RND2: variants seen among roughly 807,000 people sequenced by gnomAD.
RND2 encodes the protein Rho family GTPase 2.
A neutral mutation model predicts 25.9 loss-of-function variants in RND2; 16 were observed. The ratio of observed to expected loss-of-function variants is 0.62; its 90% CI spans 0.42 to 0.94. The LOEUF (loss-of-function observed/expected upper bound fraction) is 0.94. Among genes scored for constraint, RND2 ranks in the 40% least tolerant of loss-of-function variants. The pLI is 0.00. For synonymous variants in RND2, 97 were observed against 118.1 expected, an observed-to-expected ratio of 0.82 and a Z score of 1.16; for missense variants, 276 against 305.5, an observed-to-expected ratio of 0.90 and a Z score of 0.72.
At chr17:43,027,314 G>T in intron 3 of RND2, 22 bp downstream of exon 3, 1 of 1,538,346 alleles carries the variant, frequency 6.5e-7, no homozygotes, top group Non-Finnish European at 8.9e-7. Context: ...GGGAAATAGG[G>T]CAGCTAGACT....
chr17:43,027,157 G>T, intron 2 of RND2, 26 bp from the exon 3 acceptor site: 5 of 1,486,002 alleles, frequency 3.4e-6, no homozygotes, highest in Non-Finnish European at 4.6e-6. Flanking sequence ...ATCCACTCAG[G>T]CCCCTCATGC....
rs2050646579 is a variant in RND2 at position 43,028,734 on chromosome 17, C to G, written c.*54C>G. 1 of 1,502,688 alleles carries G rather than the reference C, an allele frequency of 6.7e-7. No individual in the cohort carries two copies. The highest frequency in any genetic ancestry group is 1.4e-5 in the African/African-American group (1 of 72,552). 93.1% of individuals were successfully genotyped at this position (1,502,688 alleles called of 1,614,324 possible). A position where few individuals can be genotyped will look rare whatever the true frequency, so the allele number is the denominator to read the frequency against. ...GGGGTGGTGAGGGACACAATTGTTC[C>G]CCTGCCTGCGCCCAGGCTTCCTGAC... On this transcript the variant is annotated 3_prime_UTR_variant, in exon 5 of 5. Coordinates refer to ENST00000587250, the MANE Select transcript of RND2 (RefSeq NM_005440.5).
chr17:43,028,600 G>C lies in RND2; in HGVS notation c.604G>C (p.Ala202Pro). ...TDSRRGMQRS[A>P]QLSGRPDRGN... ...CTCACGCCGGGGAATGCAGCGATCCGCTCAGCTGTCAGGACGGCCAGACCG... is the reference window on the plus strand; with the variant it reads ...CTCACGCCGGGGAATGCAGCGATCCCCTCAGCTGTCAGGACGGCCAGACCG... Residue 202 changes from alanine to proline, a missense_variant, in exon 5 of 5, where the codon GCT (alanine) becomes CCT (proline). Ala to Pro is a conservative substitution (Grantham distance 27). Coordinates refer to ENST00000587250, the MANE Select transcript of RND2 (RefSeq NM_005440.5). 1 of 1,613,782 alleles carries C rather than the reference G, an allele frequency of 6.2e-7. No individual in the cohort carries two copies. The highest frequency in any genetic ancestry group is 8.5e-7 in the Non-Finnish European group (1 of 1,179,902).
chr17:43,026,064 G>T lies in RND2; in HGVS notation c.190+17G>T. 1 of 1,588,146 alleles carries T rather than the reference G, an allele frequency of 6.3e-7. No homozygotes were observed. Among genetic ancestry groups the T allele is most frequent in the Non-Finnish European group, 8.6e-7 (1 of 1,158,236 alleles). On this transcript the variant is annotated intron_variant, in intron 2 of 4. Coordinates refer to ENST00000587250, the MANE Select transcript of RND2 (RefSeq NM_005440.5). Reference sequence around the variant, plus strand: ...ACACTTCAGGTAGCCAAGTCCCTGGGGGTCACCCTGACTTCCAAGGCGGCC... The same window carrying T: ...ACACTTCAGGTAGCCAAGTCCCTGGTGGTCACCCTGACTTCCAAGGCGGCC...
rs777838370 is a variant in RND2 at position 43,028,779 on chromosome 17, A to G, written c.*99A>G. 6.8e-7 allele frequency: 1 copy of G among 1,468,564 alleles called. No individual in the cohort carries two copies. The highest frequency in any genetic ancestry group is 9.0e-7 in the Non-Finnish European group (1 of 1,105,554). The allele number at this position is 1,468,564 out of a possible 1,614,324, so 91.0% of individuals were successfully genotyped here. Reference sequence around the variant, plus strand: ...CCTGACCTCCTGATCCTGGCTGGGAAGTTAGGGCAGGCAGAGCGAGCAATT... The same window carrying G: ...CCTGACCTCCTGATCCTGGCTGGGAGGTTAGGGCAGGCAGAGCGAGCAATT... On this transcript the variant is annotated 3_prime_UTR_variant, in exon 5 of 5. Coordinates refer to ENST00000587250, the MANE Select transcript of RND2 (RefSeq NM_005440.5).
chr17:43,027,595 G>A (rs147190695), intron 3 of RND2, among the ~76,000 whole-genome samples: 396 of 152,292 alleles, frequency 2.6e-3, no homozygotes, highest in Non-Finnish European at 4.0e-3. Context: ...AGATGGAGGG[G>A]ATGGGATGGG....
Position 43,031,241 on chromosome 17 carries a change from C to G in RND2, c.*2561C>G, listed in dbSNP as rs1437801124. 1.3e-5 allele frequency: 2 copies of G among 152,186 alleles called. No individual in the cohort carries two copies. The highest frequency in any genetic ancestry group is 6.5e-5 in the Admixed American group (1 of 15,272). 9.4% of individuals were successfully genotyped at this position (152,186 alleles called of 1,614,324 possible). The stretch of plus-strand genomic sequence containing the variant: ...CCCTGGATCATCAGATATCCCTATC[C>G]CAACCTCTCCTATGGGACTAGTTCA... On this transcript the variant is annotated 3_prime_UTR_variant, in exon 5 of 5. Coordinates refer to ENST00000587250, the MANE Select transcript of RND2 (RefSeq NM_005440.5).
chr17:43,028,406 C>G (rs762242584), intron 4 of RND2, 26 bp from the exon 5 acceptor site: 1 of 1,609,324 alleles, frequency 6.2e-7, no homozygotes, highest in Admixed American at 1.7e-5. Flanking sequence ...CTATAACTTT[C>G]TCCCATGCAC....
chr17:43,027,961 G>A, intron 3 of RND2, 100 bp from the exon 4 acceptor site: 3 of 1,374,124 alleles, frequency 2.2e-6, no homozygotes, highest in Admixed American at 4.2e-5. Flanking sequence ...CATGGTTTCT[G>A]CGTGCTTGAG....
Position 43,028,469 on chromosome 17 carries a change from A to G in RND2, c.473A>G (p.Tyr158Cys), listed in dbSNP as rs770329511. The change falls in exon 5 of 5, where the codon TAT (tyrosine) becomes TGT (cysteine). Residue 158 changes from tyrosine to cysteine, a missense_variant. Physicochemically the swap from Tyr to Cys is radical, Grantham distance 194. Transcript: ENST00000587250. ...VLAKQVGAVSYVECSSRSSER... is the reference protein window; with the variant it reads ...VLAKQVGAVSCVECSSRSSER... ...GCCAAGCAGGTGGGGGCTGTGTCCT[A>G]TGTTGAGTGCTCCTCCCGGTCCTCT... 8 of 1,613,964 alleles carry G rather than the reference A, an allele frequency of 5.0e-6. No homozygotes were observed. Among genetic ancestry groups the G allele is most frequent in the South Asian group, 2.2e-5 (2 of 91,088 alleles).
At chr17:43,028,028 C>T (rs764574497) in intron 3 of RND2, 33 bp from the exon 4 acceptor site, 260 of 1,597,470 alleles carry the variant, frequency 1.6e-4, no homozygotes, top group Non-Finnish European at 2.0e-4. Context: ...CTCCCTCCAC[C>T]CCTCCACAAT....
rs1010443277 is a variant in RND2 at position 43,027,080 on chromosome 17, C to G, written c.191-103C>G. ...GATGGGTATTAATGGTTGCTCTTTT[C>G]CATTCTCTGCTCCCAGCATCCCTTG... On this transcript the variant is annotated intron_variant, in intron 2 of 4. Transcript: ENST00000587250. The G allele has an allele frequency of 5.8e-6, 4 of 692,128 alleles. No individual in the cohort carries two copies. In the African/African-American group the frequency reaches 7.2e-5, roughly 12 times the overall value. 42.9% of individuals were successfully genotyped at this position (692,128 alleles called of 1,614,324 possible).
chr17:43,028,412 TGCACTCCTTCCTTTTCCAGG>T lies in RND2; in HGVS notation c.436-14_441del. The T allele has an allele frequency of 6.2e-7, 1 of 1,610,874 alleles. No individual in the cohort carries two copies. The highest frequency in any genetic ancestry group is 1.1e-5 in the South Asian group (1 of 91,036). ...GGCTAAGACCTATAACTTTCTCCCATGCACTCCTTCCTTTTCCAGGGCACTGTGCTGGCCAAGCAGGTGGG... is the reference window on the plus strand; with the variant it reads ...GGCTAAGACCTATAACTTTCTCCCATGCACTGTGCTGGCCAAGCAGGTGGG... On this transcript the variant is annotated splice_acceptor_variant and splice_polypyrimidine_tract_variant and coding_sequence_variant and intron_variant, in exon 5 of 5. Coordinates refer to ENST00000587250, the MANE Select transcript of RND2 (RefSeq NM_005440.5). LOFTEE classifies it high-confidence loss of function.
Position 43,028,187 on chromosome 17 carries a change from C to A in RND2, c.427C>A (p.His143Asn), listed in dbSNP as rs1435262704. ...CAAGCAGAGGCTTATCCCTGTTACA[C>A]ATGAGCAGGTGGGACCCTTGACGTC... ...LSKQRLIPVT[H>N]EQGTVLAKQV... The change falls in exon 4 of 5, where the codon CAT (histidine) becomes AAT (asparagine). Residue 143 changes from histidine to asparagine, a missense_variant. Transcript: ENST00000587250. 3.1e-6 allele frequency: 5 copies of A among 1,614,102 alleles called. No individual in the cohort carries two copies. The African/African-American group carries it at 6.7e-5, about 22-fold the overall frequency.
chr17:43,029,364 T>G lies in RND2; in HGVS notation c.*684T>G, dbSNP rs2050652991. ...ATAGAGCAGAGGACAAAGCCATAGG[T>G]TGGATCAGAAGTGTCCTTTTAGGAG... On this transcript the variant is annotated 3_prime_UTR_variant, in exon 5 of 5. Coordinates refer to ENST00000587250, the MANE Select transcript of RND2 (RefSeq NM_005440.5). The G allele has an allele frequency of 6.5e-6, 1 of 153,328 alleles. No individual in the cohort carries two copies. The highest frequency in any genetic ancestry group is 2.4e-5 in the African/African-American group (1 of 41,450). 9.5% of individuals were successfully genotyped at this position (153,328 alleles called of 1,614,324 possible). A position where few individuals can be genotyped will look rare whatever the true frequency, so the allele number is the denominator to read the frequency against.
chr17:43,026,541 C>CA (rs1361126168), intron 2 of RND2, among the ~76,000 whole-genome samples: 1 of 152,096 alleles, frequency 6.6e-6, no homozygotes, highest in East Asian at 1.9e-4. Flanking sequence ...TCTCAGCTAC[C>CA]AGGAGGCTGA....
rs918584330 is a variant in RND2, at chr17:43,028,645, C to T, written c.649C>T (p.His217Tyr). Residue 217 changes from histidine (H) to tyrosine (Y), a missense_variant, in exon 5 of 5, where the codon CAC (histidine) becomes TAC (tyrosine). Coordinates refer to ENST00000587250, the MANE Select transcript of RND2 (RefSeq NM_005440.5). ...RPDRGNEGEIHKDRAKSCNLM is the reference protein window; with the variant it reads ...RPDRGNEGEIYKDRAKSCNLM ...AGACCGGGGGAATGAGGGCGAGATA[C>T]ACAAGGATCGAGCCAAAAGCTGCAA... The T allele has an allele frequency of 2.5e-6, 4 of 1,599,048 alleles. No individual in the cohort carries two copies. The highest frequency in any genetic ancestry group is 2.6e-6 in the Non-Finnish European group (3 of 1,172,494).
intron 2 of RND2, 44 bp downstream of exon 2, chr17:43,026,091 A>C (rs1707775789): frequency 2.8e-6 from 4 of 1,418,108 alleles, no homozygotes; most frequent in Admixed American, 1.7e-5. Flanking sequence ...AAGGCGGCCC[A>C]CTCTGTCCCC....
At chr17:43,028,399 T>G (rs1388476826) in intron 4 of RND2, 33 bp from the exon 5 acceptor site, 2 of 1,609,050 alleles carry the variant, frequency 1.2e-6, no homozygotes, top group South Asian at 2.2e-5. Context: ...CTAAGACCTA[T>G]AACTTTCTCC....
Sources: gnomAD v4.1 joint callset for allele counts (sites outside exome capture counted in the v4.1 genomes callset) on GRCh38, gnomAD v4.1.1 for gene constraint, MANE v1.5 for transcripts, NCBI Gene and HGNC (gene_info 2026-07-23, HGNC 2026-07-21) for gene names.